TMEM117: variants seen among roughly 807,000 people sequenced by gnomAD.
TMEM117 encodes the protein transmembrane protein 117.
A neutral mutation model predicts 52.4 loss-of-function variants in TMEM117; 27 were observed. The ratio of observed to expected loss-of-function variants is 0.51; its 90% CI spans 0.38 to 0.71. TMEM117 has a LOEUF of 0.71. Among genes scored for constraint, TMEM117 ranks in the 30% least tolerant of loss-of-function variants. TMEM117 has a pLI of 0.00. For missense variants in TMEM117, 556 were observed against 630.5 expected (o/e 0.88, Z 1.26); for synonymous variants, 215 against 206.3 (o/e 1.04, Z -0.36).
chr12:43,958,557 T>C (rs1267765018), intron 3 of TMEM117, among the ~76,000 whole-genome samples: 1 of 152,158 alleles, frequency 6.6e-6, no homozygotes, highest in African/African-American at 2.4e-5. Context: ...ATTCAGGACC[T>C]GAACAACGTG....
At chr12:44,128,286 T>C (rs1182757379) in intron 3 of TMEM117, among the ~76,000 whole-genome samples, 5 of 152,196 alleles carry the variant, frequency 3.3e-5, no homozygotes, top group Non-Finnish European at 5.9e-5. Context: ...TCTGCCCTTC[T>C]CTGTAAAGCC....
chr12:44,333,597 C>G (rs1951301819), intron 6 of TMEM117, among the ~76,000 whole-genome samples: 1 of 151,966 alleles, frequency 6.6e-6, no homozygotes, highest in Non-Finnish European at 1.5e-5. Context: ...CTTCCTGCCA[C>G]CATGTGAAGA....
intron 2 of TMEM117, among the ~76,000 whole-genome samples, chr12:43,851,602 G>C (rs1456469533): frequency 6.6e-6 from 1 of 152,070 alleles, no homozygotes; most frequent in South Asian, 2.1e-4. Flanking sequence ...TTAATTTCTT[G>C]AGCTTATTCA....
At chr12:44,283,867 G>A (rs938226829) in intron 5 of TMEM117, among the ~76,000 whole-genome samples, 3 of 152,202 alleles carry the variant, frequency 2.0e-5, no homozygotes, top group East Asian at 1.9e-4. Flanking sequence ...CACGTGTTGC[G>A]GGAGAGACTC....
intron 6 of TMEM117, among the ~76,000 whole-genome samples, chr12:44,347,655 C>G (rs972670755): frequency 1.3e-5 from 2 of 151,994 alleles, no homozygotes; most frequent in Non-Finnish European, 2.9e-5. Flanking sequence ...TGTCCCTTCT[C>G]TCTTGGGAAG....
chr12:44,053,482 T>A (rs1487738556), intron 3 of TMEM117, among the ~76,000 whole-genome samples: 3 of 152,188 alleles, frequency 2.0e-5, no homozygotes, highest in African/African-American at 4.8e-5. Context: ...AGAGTTTTTA[T>A]CTAGGTTTCA....
intron 4 of TMEM117, among the ~76,000 whole-genome samples, chr12:44,191,552 A>C (rs975834877): frequency 2.6e-5 from 4 of 152,146 alleles, no homozygotes; most frequent in African/African-American, 9.7e-5. Flanking sequence ...TTCAGTTGAC[A>C]TTTTGTTCTG....
chr12:44,272,886 A>T (rs562791693), intron 5 of TMEM117, among the ~76,000 whole-genome samples: 2 of 152,288 alleles, frequency 1.3e-5, no homozygotes, highest in Admixed American at 1.3e-4. Flanking sequence ...TACCCAAAGG[A>T]TTATAAATCA....
At chr12:44,028,304 G>T in intron 3 of TMEM117, among the ~76,000 whole-genome samples, 1 of 152,010 alleles carries the variant, frequency 6.6e-6, no homozygotes, top group East Asian at 1.9e-4. Flanking sequence ...GAATGAATGA[G>T]CAAATCAGTG....
intron 5 of TMEM117, among the ~76,000 whole-genome samples, chr12:44,259,943 C>T (rs1950302330): frequency 1.3e-5 from 2 of 152,062 alleles, no homozygotes; most frequent in African/African-American, 4.8e-5. Flanking sequence ...ATTTTAAAAA[C>T]CGCCATGAAA....
At chr12:43,940,371 C>G (rs1945024668) in intron 2 of TMEM117, among the ~76,000 whole-genome samples, 1 of 152,178 alleles carries the variant, frequency 6.6e-6, no homozygotes, top group Non-Finnish European at 1.5e-5. Context: ...GGACCTAGAA[C>G]TCTCAATTTA....
At chr12:44,319,613 A>G (rs1304843248) in intron 6 of TMEM117, among the ~76,000 whole-genome samples, 1 of 152,198 alleles carries the variant, frequency 6.6e-6, no homozygotes, top group East Asian at 1.9e-4. Flanking sequence ...AGTGGCTAAG[A>G]CACACTGCAA....
intron 5 of TMEM117, among the ~76,000 whole-genome samples, chr12:44,262,386 A>G (rs1283376082): frequency 6.6e-6 from 1 of 152,182 alleles, no homozygotes; most frequent in Non-Finnish European, 1.5e-5. Flanking sequence ...TTAAAACATG[A>G]CCAAGGATCC....
chr12:44,164,781 T>G (rs576315441), intron 4 of TMEM117, among the ~76,000 whole-genome samples: 4 of 152,206 alleles, frequency 2.6e-5, no homozygotes, highest in Non-Finnish European at 5.9e-5. Context: ...ATCTGGATGG[T>G]ATATTTTGTA....
intron 4 of TMEM117, among the ~76,000 whole-genome samples, chr12:44,190,864 T>G (rs1049055678): frequency 2.0e-4 from 30 of 148,678 alleles, no homozygotes; most frequent in Non-Finnish European, 3.1e-4. Context: ...TCTCTATATA[T>G]AGAGAGAGAT....
At chr12:43,813,231 G>GTTTTT in the TMEM117 span, among the ~76,000 whole-genome samples, 11 of 62,666 alleles carry the variant, frequency 1.8e-4, 1 homozygote, top group African/African-American at 4.7e-4. Flanking sequence ...GTTTTCTCTT[G>GTTTTT]TTTTTTTTTT....
chr12:43,862,882 G>T (rs531441519), intron 2 of TMEM117, among the ~76,000 whole-genome samples: 2 of 152,178 alleles, frequency 1.3e-5, no homozygotes, highest in Non-Finnish European at 2.9e-5. Context: ...CAGGAGAATC[G>T]CTTGAACCTG....
chr12:44,311,622 CAG>C (rs1350853983), intron 6 of TMEM117, among the ~76,000 whole-genome samples: 2 of 151,326 alleles, frequency 1.3e-5, no homozygotes, highest in Non-Finnish European at 2.9e-5. Flanking sequence ...GAAATTGTAA[CAG>C]AGAGGATTTT....
the TMEM117 span, among the ~76,000 whole-genome samples, chr12:44,398,107 TG>T: frequency 1.6e-4 from 22 of 135,766 alleles, no homozygotes; most frequent in African/African-American, 5.2e-4. Context: ...TGTTTTGTTT[TG>T]GTTTTTTTTT....
Sources: allele counts gnomAD v4.1 joint callset (sites outside exome capture counted in the v4.1 genomes callset), GRCh38; gene constraint gnomAD v4.1.1; transcripts MANE v1.5; gene names NCBI Gene and HGNC (gene_info 2026-07-23, HGNC 2026-07-21).